SCN10A: variants seen among roughly 807,000 people sequenced by gnomAD.
SCN10A encodes sodium voltage-gated channel alpha subunit 10.
In SCN10A, 162 loss-of-function variants were observed where a neutral mutation model predicts 170.7. The observed-to-expected ratio is 0.95, with a 90% CI of 0.84 to 1.08. The LOEUF (loss-of-function observed/expected upper bound fraction) is 1.08, where lower values mean the gene tolerates loss of function less well. Among genes scored for constraint, SCN10A ranks in the 50% least tolerant of loss-of-function variants. The pLI, the probability that SCN10A is intolerant of heterozygous loss-of-function variation, is 0.00. For synonymous variants in SCN10A, 985 were observed against 904.6 expected, an observed-to-expected ratio of 1.09 and a Z score of -1.59; for missense variants, 2,527 against 2,436.9, an observed-to-expected ratio of 1.04 and a Z score of -0.78.
intron 7 of SCN10A, 41 bp downstream of exon 7, chr3:38,761,151 T>C (rs2063865295): frequency 6.9e-7 from 1 of 1,446,598 alleles, no homozygotes; most frequent in East Asian, 2.3e-5. Flanking sequence ...ATACCAAGGG[T>C]CCAACCAGAC....
chr3:38,814,862 T>C (rs2064462354), intron 1 of SCN10A, among the ~76,000 whole-genome samples: 1 of 152,240 alleles, frequency 6.6e-6, no homozygotes, highest in African/African-American at 2.4e-5. Flanking sequence ...TTCATTTATC[T>C]GTGTCAAACT....
rs2063220383 is a variant in SCN10A at position 38,707,280 on chromosome 3, AG to A, written c.4384del (p.Leu1462Ter). ...CTAGAGGAAACCTCTGGGGCTCACC[AG>A]GGGCCGTGGGATGGGCTTCTGGGGC... ...KKPQKPIPRP[L>X]NKFQGFVFDI... is the part of the protein sequence containing the mutation. On this transcript the variant is annotated frameshift_variant and splice_region_variant, in exon 26 of 28. Transcript: ENST00000449082. LOFTEE classifies it high-confidence loss of function. The A allele has an allele frequency of 1.9e-6, 3 of 1,613,828 alleles. No individual in the cohort carries two copies. The highest frequency in any genetic ancestry group is 1.1e-5 in the South Asian group (1 of 91,058).
intron 2 of SCN10A, among the ~76,000 whole-genome samples, chr3:38,792,606 G>A (rs1334843279): frequency 6.6e-6 from 1 of 152,166 alleles, no homozygotes; most frequent in Non-Finnish European, 1.5e-5. Flanking sequence ...ATCCTCTCCT[G>A]GTTTCTCCCT....
At chr3:38,797,849 A>T (rs1275765491) in intron 1 of SCN10A, among the ~76,000 whole-genome samples, 2 of 152,204 alleles carry the variant, frequency 1.3e-5, no homozygotes, top group Non-Finnish European at 2.9e-5. Flanking sequence ...CAGCTATGAG[A>T]CTGACTTCAT....
At chr3:38,772,151 A>G (rs537988553) in intron 4 of SCN10A, among the ~76,000 whole-genome samples, 22 of 152,242 alleles carry the variant, frequency 1.4e-4, no homozygotes, top group Admixed American at 1.4e-3. Context: ...TACCTACTGA[A>G]AGGCAAACAA....
chr3:38,731,017 A>G (rs1291913909), intron 15 of SCN10A, among the ~76,000 whole-genome samples: 1 of 152,230 alleles, frequency 6.6e-6, no homozygotes, highest in African/African-American at 2.4e-5. Context: ...TCAAGAAGTC[A>G]GTATATCTTA....
intron 11 of SCN10A, 78 bp from the exon 12 acceptor site, chr3:38,752,590 C>T: frequency 8.2e-7 from 1 of 1,215,916 alleles, no homozygotes; most frequent in African/African-American, 1.5e-5. Flanking sequence ...TTCCCTCTAC[C>T]TACTCCCATT....
chr3:38,731,837 C>T (rs757846947), intron 15 of SCN10A, among the ~76,000 whole-genome samples: 10 of 152,202 alleles, frequency 6.6e-5, no homozygotes, highest in Admixed American at 6.5e-5. Flanking sequence ...CTGCAAATCC[C>T]GGTATCCACC....
intron 15 of SCN10A, among the ~76,000 whole-genome samples, chr3:38,734,643 A>G (rs1044611322): frequency 2.0e-5 from 3 of 152,216 alleles, no homozygotes; most frequent in Non-Finnish European, 1.5e-5. Context: ...TTAAACATCC[A>G]TTCATGATAA....
At chr3:38,761,860 GAGAGAA>G (rs1371888647) in intron 6 of SCN10A, among the ~76,000 whole-genome samples, 18 of 147,506 alleles carry the variant, frequency 1.2e-4, no homozygotes, top group African/African-American at 4.7e-4. Flanking sequence ...GAGAGAGAGA[GAGAGAA>G]AGAGAGAGAG....
At position 38,712,346 on chromosome 3, in the gene SCN10A, G is replaced by A. The variant is rs2063284029; in HGVS notation, c.3904C>T (p.Leu1302Phe). 7 of 1,614,072 alleles carry A rather than the reference G, an allele frequency of 4.3e-6. No individual in the cohort carries two copies. The highest frequency in any genetic ancestry group is 2.2e-5 in the East Asian group (1 of 44,898). The change falls in exon 23 of 28, where the codon CTC becomes TTC. Residue 1302 changes from leucine to phenylalanine, a missense_variant. By Grantham distance (22) the Leu-to-Phe change is conservative. Coordinates refer to ENST00000449082, the MANE Select transcript of SCN10A (RefSeq NM_006514.4). ...CACCTCCAAAACTTCCCTGCGAAGA[G>A]GTTCACACCCATGATGCTGAAGATG... ...WLIFSIMGVN[L>F]FAGKFWRCIN... is the part of the protein sequence containing the mutation.
intron 13 of SCN10A, among the ~76,000 whole-genome samples, chr3:38,746,381 C>A (rs1300981623): frequency 6.6e-6 from 1 of 151,976 alleles, no homozygotes; most frequent in Non-Finnish European, 1.5e-5. Flanking sequence ...CCTTCCATTT[C>A]CCATCAGCCC....
At chr3:38,728,441 A>G in intron 16 of SCN10A, 101 bp downstream of exon 16, 1 of 1,308,264 alleles carries the variant, frequency 7.6e-7, no homozygotes, top group Non-Finnish European at 1.0e-6. Flanking sequence ...CCAGAGAAGT[A>G]CAATCTGGGC....
At chr3:38,754,271 T>G (rs1351151263) in intron 11 of SCN10A, among the ~76,000 whole-genome samples, 1 of 152,222 alleles carries the variant, frequency 6.6e-6, no homozygotes, top group African/African-American at 2.4e-5. Context: ...AGTGGATGTT[T>G]CTTCCCTGAT....
intron 21 of SCN10A, among the ~76,000 whole-genome samples, chr3:38,714,851 C>A (rs936320003): frequency 6.6e-6 from 1 of 152,188 alleles, no homozygotes; most frequent in East Asian, 1.9e-4. Context: ...CTGCTAGGAA[C>A]TTTGAAGGTG....
intron 25 of SCN10A, 67 bp downstream of exon 25, chr3:38,709,411 G>T: frequency 6.6e-7 from 1 of 1,509,172 alleles, no homozygotes; most frequent in South Asian, 1.4e-5. Flanking sequence ...GCCAGAGCTG[G>T]GCAGGGAACA....
intron 25 of SCN10A, among the ~76,000 whole-genome samples, chr3:38,708,884 A>G (rs11129801): frequency 0.7 from 106,971 of 152,156 alleles, 37,721 homozygotes; most frequent in Middle Eastern, 0.77. Flanking sequence ...ACGCAAATCT[A>G]GAACAGCGCC....
In SCN10A at chr3:38,793,831, G is replaced by A; in HGVS notation, c.180C>T (p.Cys60=). ...KPRPQLDLKA[C]NQLPKFYGEL... ...CACCATAGAACTTGGGCAGCTGGTT[G>A]CAGGCTTTCAAGTCCAGCTGGGGCC... is the stretch of plus-strand genomic sequence containing the variant. Residue 60 remains cysteine, a synonymous_variant, in exon 2 of 28, where the codon TGC becomes TGT. Transcript: ENST00000449082. 1 of 1,614,044 alleles carries A rather than the reference G, an allele frequency of 6.2e-7. No individual in the cohort carries two copies. The highest frequency in any genetic ancestry group is 2.2e-5 in the East Asian group (1 of 44,854).
At chr3:38,705,097 G>T (rs2063196204) in intron 26 of SCN10A, among the ~76,000 whole-genome samples, 1 of 152,228 alleles carries the variant, frequency 6.6e-6, no homozygotes. Flanking sequence ...AGACCTATGG[G>T]TCCTGGAGTG....
Sources: allele counts gnomAD v4.1 joint callset (sites outside exome capture counted in the v4.1 genomes callset), GRCh38; gene constraint gnomAD v4.1.1; transcripts MANE v1.5; gene names NCBI Gene and HGNC (gene_info 2026-07-23, HGNC 2026-07-21).